CNTN5: variants seen among roughly 807,000 people sequenced by gnomAD.
CNTN5 encodes the protein contactin-5.
A neutral mutation model predicts 129.1 loss-of-function variants in CNTN5; 77 were observed. The ratio of observed to expected loss-of-function variants is 0.60; its 90% CI spans 0.50 to 0.72. The LOEUF (loss-of-function observed/expected upper bound fraction) is 0.72. Ranked by LOEUF, CNTN5 falls within the 30% of genes least tolerant of loss-of-function variation. The pLI is 0.00. For missense variants in CNTN5, 1,478 were observed against 1,328.8 expected (o/e 1.11, Z -1.75); for synonymous variants, 509 against 465.6 (o/e 1.09, Z -1.20).
chr11:99,711,961 T>C (rs1955009364), intron 3 of CNTN5, among the ~76,000 whole-genome samples: 1 of 152,096 alleles, frequency 6.6e-6, no homozygotes. Flanking sequence ...TGTGTCTTTA[T>C]GGTAAAATGA....
intron 2 of CNTN5, among the ~76,000 whole-genome samples, chr11:99,539,139 T>C (rs1948006725): frequency 6.6e-6 from 1 of 152,088 alleles, no homozygotes; most frequent in Non-Finnish European, 1.5e-5. Flanking sequence ...TTAGTCTAAA[T>C]GATCATAAAT....
chr11:99,696,160 A>G (rs911845732), intron 3 of CNTN5, among the ~76,000 whole-genome samples: 20 of 152,106 alleles, frequency 1.3e-4, no homozygotes, highest in Admixed American at 5.9e-4. Flanking sequence ...TTATACCTGT[A>G]TATCAGCCAT....
At chr11:99,463,493 G>T (rs1269899029) in intron 2 of CNTN5, among the ~76,000 whole-genome samples, 5 of 146,888 alleles carry the variant, frequency 3.4e-5, no homozygotes, top group African/African-American at 1.3e-4. Flanking sequence ...CCAACTTTCA[G>T]TGAAGAATTG....
At chr11:99,881,938 G>T (rs561790554) in intron 6 of CNTN5, among the ~76,000 whole-genome samples, 4 of 152,260 alleles carry the variant, frequency 2.6e-5, no homozygotes, top group Admixed American at 2.6e-4. Context: ...AGCTATTACT[G>T]TTGATCAAAT....
chr11:99,458,626 G>T (rs975122268), intron 2 of CNTN5, among the ~76,000 whole-genome samples: 1 of 151,854 alleles, frequency 6.6e-6, no homozygotes, highest in Non-Finnish European at 1.5e-5. Flanking sequence ...AAAGCTATTC[G>T]TGCCAATACA....
At chr11:99,182,756 C>T (rs79579103) in intron 1 of CNTN5, among the ~76,000 whole-genome samples, 14 of 152,212 alleles carry the variant, frequency 9.2e-5, no homozygotes, top group Non-Finnish European at 1.3e-4. Context: ...ATACCAATAA[C>T]ATTGTAACAG....
intron 9 of CNTN5, among the ~76,000 whole-genome samples, chr11:100,032,034 A>T (rs1941739839): frequency 6.6e-6 from 1 of 152,202 alleles, no homozygotes; most frequent in Admixed American, 6.5e-5. Flanking sequence ...GCCCTGTTGC[A>T]TTGTGGGCTG....
At chr11:100,068,122 A>T (rs1284300684) in intron 10 of CNTN5, among the ~76,000 whole-genome samples, 1 of 152,192 alleles carries the variant, frequency 6.6e-6, no homozygotes, top group Non-Finnish European at 1.5e-5. Context: ...AAGTCTAACA[A>T]ATACAATCAG....
At chr11:99,743,569 T>C (rs1943952172) in intron 3 of CNTN5, among the ~76,000 whole-genome samples, 1 of 152,152 alleles carries the variant, frequency 6.6e-6, no homozygotes, top group Admixed American at 6.5e-5. Flanking sequence ...TGATATGTAT[T>C]AGCTAAGTAA....
intron 13 of CNTN5, among the ~76,000 whole-genome samples, chr11:100,152,502 C>T (rs1947099802): frequency 6.6e-6 from 1 of 152,034 alleles, no homozygotes; most frequent in African/African-American, 2.4e-5. Flanking sequence ...CAATATGTGC[C>T]TGAAGAAAGG....
chr11:99,589,342 T>C (rs1053387220), intron 3 of CNTN5, among the ~76,000 whole-genome samples: 1 of 152,222 alleles, frequency 6.6e-6, no homozygotes, highest in Non-Finnish European at 1.5e-5. Context: ...ATATTTAAGT[T>C]CTTTAATTAA....
At chr11:99,882,115 C>A (rs533125257) in intron 6 of CNTN5, among the ~76,000 whole-genome samples, 1 of 152,218 alleles carries the variant, frequency 6.6e-6, no homozygotes, top group South Asian at 2.1e-4. Context: ...GACTGTGAAG[C>A]TAAAAGGCAA....
At chr11:99,675,819 C>A (rs956888207) in intron 3 of CNTN5, among the ~76,000 whole-genome samples, 1 of 152,148 alleles carries the variant, frequency 6.6e-6, no homozygotes, top group Non-Finnish European at 1.5e-5. Flanking sequence ...TAAATTGTGA[C>A]TCTGTCAACA....
At chr11:100,252,943 TCTA>T (rs1949997867) in intron 16 of CNTN5, among the ~76,000 whole-genome samples, 1 of 152,180 alleles carries the variant, frequency 6.6e-6, no homozygotes, top group Non-Finnish European at 1.5e-5. Context: ...TCTACCATTG[TCTA>T]CTGAGTCAAA....
chr11:99,139,253 C>T (rs1007724957), intron 1 of CNTN5, among the ~76,000 whole-genome samples: 8 of 152,100 alleles, frequency 5.3e-5, no homozygotes, highest in Admixed American at 2.6e-4. Context: ...CCCTGCATGA[C>T]AGAATGTGAC....
intron 4 of CNTN5, among the ~76,000 whole-genome samples, chr11:99,825,899 A>G (rs939177601): frequency 7.9e-5 from 12 of 152,150 alleles, no homozygotes; most frequent in African/African-American, 2.9e-4. Flanking sequence ...AAAAGAAAAT[A>G]TAATATAGAA....
intron 9 of CNTN5, among the ~76,000 whole-genome samples, chr11:100,035,790 T>C (rs1206274200): frequency 6.6e-6 from 1 of 151,978 alleles, no homozygotes; most frequent in Non-Finnish European, 1.5e-5. Flanking sequence ...TGTCTGTTCA[T>C]ATCCTTTGCC....
At chr11:100,181,292 G>GA (rs34501902) in intron 13 of CNTN5, among the ~76,000 whole-genome samples, 2 of 151,552 alleles carry the variant, frequency 1.3e-5, no homozygotes, top group Non-Finnish European at 2.9e-5. Flanking sequence ...TAAACTGATT[G>GA]AAAAAAACCA....
At chr11:100,334,569 A>T (rs1395014239) in intron 21 of CNTN5, among the ~76,000 whole-genome samples, 1 of 152,204 alleles carries the variant, frequency 6.6e-6, no homozygotes, top group Non-Finnish European at 1.5e-5. Flanking sequence ...AAAATGTGGT[A>T]TATACACCAT....
Sources: allele counts gnomAD v4.1 joint callset (sites outside exome capture counted in the v4.1 genomes callset), GRCh38; gene constraint gnomAD v4.1.1; transcripts MANE v1.5; gene names NCBI Gene and HGNC (gene_info 2026-07-23, HGNC 2026-07-21).